The following AP1B1 variants were observed in gnomAD, a reference collection of about 807,000 sequenced individuals.
AP1B1 encodes adaptor related protein complex 1 subunit beta 1, also known as AP-1 complex subunit beta-1.
AP1B1 carries 36 observed loss-of-function variants against 104.3 expected under a neutral mutation model. The observed-to-expected ratio is 0.35, with a 90% confidence interval of 0.26 to 0.46. The LOEUF (loss-of-function observed/expected upper bound fraction) is 0.46. AP1B1 is among the 20% of genes least tolerant of loss of function. AP1B1 has a pLI of 1.00. For synonymous variants in AP1B1, 504 were observed against 517.5 expected (o/e 0.97, Z 0.35); for missense variants, 901 against 1,247.9 (o/e 0.72, Z 4.19).
chr22:29,339,754 C>G lies in AP1B1; in HGVS notation c.2019G>C (p.Gly673=). The G allele has an allele frequency of 6.2e-7, 1 of 1,609,076 alleles. No individual in the cohort carries two copies. The highest frequency in any genetic ancestry group is 8.5e-7 in the Non-Finnish European group (1 of 1,177,914). Residue 673 remains glycine, a splice_region_variant and synonymous_variant, in exon 15 of 23, where the codon GGG becomes GGC. Transcript: ENST00000357586. The part of the protein sequence containing the change: ...LDSLMGDEPE[G]IGGTNFVAPP... ...TGGTGACGCAAGGGTTGAACCATAC[C>G]CCTTCAGGCTCATCCCCCATCTCCA...
chr22:29,380,223 C>T (rs1380932406), intron 1 of AP1B1, among the ~76,000 whole-genome samples: 1 of 152,200 alleles, frequency 6.6e-6, no homozygotes, highest in Non-Finnish European at 1.5e-5. Flanking sequence ...GCCTGCCCTC[C>T]TACGCCACTG....
intron 3 of AP1B1, among the ~76,000 whole-genome samples, chr22:29,361,357 CA>C (rs1201216848): frequency 2.0e-5 from 3 of 152,202 alleles, no homozygotes; most frequent in African/African-American, 7.2e-5. Context: ...TCCACCTCAG[CA>C]CCCGGGTTAT....
chr22:29,329,025 G>T, intron 22 of AP1B1, 130 bp from the exon 23 acceptor site: 1 of 1,476,496 alleles, frequency 6.8e-7, no homozygotes, highest in South Asian at 1.3e-5. Flanking sequence ...CGGCAGCTGC[G>T]CCTGGCACAG....
At chr22:29,339,165 C>T (rs755304583) in intron 15 of AP1B1, 32 bp from the exon 16 acceptor site, 42 of 1,613,214 alleles carry the variant, frequency 2.6e-5, no homozygotes, top group Middle Eastern at 3.4e-4. Flanking sequence ...CAGAGGTGGG[C>T]GTCAAGAGGC....
At position 29,330,654 on chromosome 22, in the gene AP1B1, C is replaced by G; in HGVS notation, c.2580G>C (p.Gln860His). Residue 860 changes from glutamine (Q) to histidine (H), a missense_variant, in exon 20 of 23, where the codon CAG (glutamine) becomes CAC (histidine). This residue lies in a region of AP1B1 where 424 missense variants were observed against 494.0 expected (regional missense o/e 0.86). Transcript: ENST00000357586. ...TGAGGGGGCAGTCTCTGATCTGGAA[C>G]TGGGCCTCATTCTCATTGGGAATAT... Reference protein sequence around the residue: ...WKDIPNENEAQFQIRDCPLNA... With the variant: ...WKDIPNENEAHFQIRDCPLNA... The G allele has an allele frequency of 4.3e-6, 7 of 1,613,920 alleles. No homozygotes were observed. Among genetic ancestry groups the G allele is most frequent in the South Asian group, 1.1e-5 (1 of 91,084 alleles).
intron 17 of AP1B1, chr22:29,333,224 AG>A (rs1279151433): frequency 9.7e-5 from 15 of 154,800 alleles, no homozygotes; most frequent in Middle Eastern, 5.1e-4. Context: ...GAGCGTGCTC[AG>A]GAAGAAGAAT....
At chr22:29,352,038 C>T (rs983870809) in intron 7 of AP1B1, among the ~76,000 whole-genome samples, 1 of 152,218 alleles carries the variant, frequency 6.6e-6, no homozygotes, top group Non-Finnish European at 1.5e-5. Flanking sequence ...CTGAGCACGT[C>T]GCCGGAAGGG....
chr22:29,349,466 AG>A (rs1459056436), intron 10 of AP1B1, 83 bp from the exon 11 acceptor site: 1 of 1,472,396 alleles, frequency 6.8e-7, no homozygotes, highest in Non-Finnish European at 9.3e-7. Flanking sequence ...CCAGGAGGGA[AG>A]GGGACCTGCC....
chr22:29,359,681 G>T, intron 4 of AP1B1, 143 bp downstream of exon 4: 2 of 1,026,400 alleles, frequency 1.9e-6, no homozygotes, highest in Admixed American at 2.4e-5. Context: ...TCTGCTGGAG[G>T]AAGAGGCCTG....
chr22:29,368,287 G>C (rs1458509705), intron 1 of AP1B1, among the ~76,000 whole-genome samples: 1 of 151,866 alleles, frequency 6.6e-6, no homozygotes, highest in Non-Finnish European at 1.5e-5. Flanking sequence ...GACAGAGCAA[G>C]ACTCTGTCTC....
At chr22:29,368,891 C>A (rs1273670146) in intron 1 of AP1B1, among the ~76,000 whole-genome samples, 3 of 151,974 alleles carry the variant, frequency 2.0e-5, no homozygotes, top group Non-Finnish European at 4.4e-5. Context: ...TGTGCCACAG[C>A]ACTCCAGTGT....
Position 29,371,145 on chromosome 22 carries a change from T to A in AP1B1, c.-27-3875A>T, listed in dbSNP as rs532785914. On this transcript the variant is annotated intron_variant, in intron 1 of 22. Coordinates refer to ENST00000357586, the MANE Select transcript of AP1B1 (RefSeq NM_001127.4). The stretch of plus-strand genomic sequence containing the variant: ...AGCTTAGTGATGTACTGAGGGCAGC[T>A]ATCTCCTCGTGTCCTTTCTCCATTG... Among the ~76,000 whole-genome samples, 3 of 152,338 alleles carry A rather than the reference T, an allele frequency of 2.0e-5. No homozygotes were observed. In the South Asian group the frequency reaches 6.2e-4, roughly 32 times the overall value.
intron 1 of AP1B1, among the ~76,000 whole-genome samples, 192 bp from the exon 2 acceptor site, chr22:29,367,462 CT>C (rs368171561): frequency 1.1e-3 from 156 of 142,538 alleles, no homozygotes; most frequent in Middle Eastern, 7.4e-3. Context: ...ATCTATCAAC[CT>C]TTTTTTTTTT....
chr22:29,364,921 C>T (rs770166253), intron 2 of AP1B1, among the ~76,000 whole-genome samples: 1 of 151,600 alleles, frequency 6.6e-6, no homozygotes, highest in African/African-American at 2.4e-5. Flanking sequence ...GTTGGCCCGG[C>T]TGGTCTCAAA....
At position 29,351,695 on chromosome 22, in the gene AP1B1, C is replaced by T. The variant is rs146107210; in HGVS notation, c.1059+10G>A. 1.5e-3 allele frequency: 2,347 copies of T among 1,613,470 alleles called. 37 individuals carry two copies. The African/African-American group carries it at 0.027, about 18-fold the overall frequency. On this transcript the variant is annotated intron_variant, in intron 8 of 22. Transcript: ENST00000357586. ...CTGAGCCCGTGTCCTGACCATCACACGCAGCTGACCTGGGCGATGTTGGCC... is the reference window on the plus strand; with the variant it reads ...CTGAGCCCGTGTCCTGACCATCACATGCAGCTGACCTGGGCGATGTTGGCC...
At chr22:29,385,834 A>G (rs900242083) in intron 1 of AP1B1, among the ~76,000 whole-genome samples, 18 of 152,244 alleles carry the variant, frequency 1.2e-4, no homozygotes, top group African/African-American at 4.1e-4. Context: ...TCAGCATGTC[A>G]GGCTTTGGTG....
At chr22:29,342,935 C>G (rs112500250) in intron 11 of AP1B1, among the ~76,000 whole-genome samples, 91 of 152,334 alleles carry the variant, frequency 6.0e-4, no homozygotes, top group African/African-American at 2.1e-3. Flanking sequence ...CCTCACCCTT[C>G]AGATCTCATG....
intron 1 of AP1B1, among the ~76,000 whole-genome samples, chr22:29,372,095 C>T (rs1169406720): frequency 6.6e-6 from 1 of 152,144 alleles, no homozygotes; most frequent in Non-Finnish European, 1.5e-5. Context: ...ATCCCAGAAA[C>T]AGTTCTGGTT....
At chr22:29,378,740 T>C (rs1036907360) in intron 1 of AP1B1, among the ~76,000 whole-genome samples, 3 of 150,332 alleles carry the variant, frequency 2.0e-5, no homozygotes, top group Non-Finnish European at 4.4e-5. Flanking sequence ...GTGCCTGTAG[T>C]CCCAGCTACT....
Sources: allele counts gnomAD v4.1 joint callset (sites outside exome capture counted in the v4.1 genomes callset), GRCh38; gene constraint gnomAD v4.1.1; regional missense constraint gnomAD v4.1.1; transcripts MANE v1.5; gene names NCBI Gene and HGNC (gene_info 2026-07-23, HGNC 2026-07-21).